BMPR1B: variants seen among roughly 807,000 people sequenced by gnomAD.
BMPR1B encodes the protein bone morphogenetic protein receptor type 1B.
In BMPR1B, 12 loss-of-function variants were observed where a neutral mutation model predicts 59.1. The ratio of observed to expected loss-of-function variants is 0.20; its 90% CI spans 0.13 to 0.33. The LOEUF is 0.33. BMPR1B is among the 10% of genes least tolerant of loss of function. BMPR1B has a pLI of 1.00. For missense variants in BMPR1B, 550 were observed against 610.9 expected (o/e 0.90, Z 1.05); for synonymous variants, 237 against 207.3 (o/e 1.14, Z -1.23).
chr4:94,928,163 T>TG (rs1728960381), intron 2 of BMPR1B, among the ~76,000 whole-genome samples: 1 of 151,010 alleles, frequency 6.6e-6, no homozygotes, highest in African/African-American at 2.4e-5. Context: ...TGTTTTATTG[T>TG]ATTTTTTTTT....
intron 1 of BMPR1B, among the ~76,000 whole-genome samples, chr4:94,829,861 G>A (rs906451904): frequency 2.0e-5 from 3 of 152,186 alleles, no homozygotes; most frequent in Admixed American, 6.5e-5. Flanking sequence ...AAATAGTGCA[G>A]AAGATTTGTA....
At position 95,136,597 on chromosome 4, in the gene BMPR1B, T is replaced by G. The variant is rs145709780; in HGVS notation, c.1076+5085T>G. On this transcript the variant is annotated intron_variant, in intron 10 of 12. Transcript: ENST00000515059. ...TTGCCTCAATTTCAGAGCCTGTTAT[T>G]AGTCTATTCAGGGATTCAGCTTCTT... Among the ~76,000 whole-genome samples, 677 of 152,302 alleles carry G rather than the reference T, an allele frequency of 4.4e-3. 5 individuals are homozygous for G. Among genetic ancestry groups the G allele is most frequent in the African/African-American group, 0.015 (633 of 41,572 alleles).
intron 1 of BMPR1B, among the ~76,000 whole-genome samples, chr4:94,848,926 A>T (rs943084868): frequency 6.6e-6 from 1 of 152,248 alleles, no homozygotes; most frequent in Admixed American, 6.5e-5. Context: ...GTTCCCATTC[A>T]TAAGGCTGAG....
At chr4:95,096,617 A>C (rs576322145) in intron 3 of BMPR1B, among the ~76,000 whole-genome samples, 40 of 150,128 alleles carry the variant, frequency 2.7e-4, no homozygotes, top group African/African-American at 7.8e-4. Flanking sequence ...AAAAATGAGA[A>C]CCAATTTTAG....
At chr4:95,021,750 G>A (rs1009362001) in intron 3 of BMPR1B, among the ~76,000 whole-genome samples, 3 of 152,170 alleles carry the variant, frequency 2.0e-5, no homozygotes, top group African/African-American at 7.2e-5. Flanking sequence ...AAATGTTTCT[G>A]AACCCACTGC....
intron 3 of BMPR1B, among the ~76,000 whole-genome samples, chr4:95,054,769 A>T (rs953193893): frequency 4.2e-4 from 64 of 152,152 alleles, no homozygotes; most frequent in African/African-American, 1.4e-3. Context: ...TAGTAAAGTT[A>T]TAAAGATGGT....
intron 3 of BMPR1B, among the ~76,000 whole-genome samples, chr4:95,027,448 CATT>C (rs1483438628): frequency 6.6e-6 from 1 of 152,268 alleles, no homozygotes; most frequent in East Asian, 1.9e-4. Context: ...ACTCAAGTTG[CATT>C]ATTATTCATC....
At chr4:95,049,413 A>T (rs1726276696) in intron 3 of BMPR1B, among the ~76,000 whole-genome samples, 1 of 124,386 alleles carries the variant, frequency 8.0e-6, no homozygotes, top group South Asian at 2.8e-4. Context: ...TGTGCCCAGC[A>T]TAAAAGTTTT....
chr4:95,067,365 C>T (rs1560628926), intron 3 of BMPR1B, among the ~76,000 whole-genome samples: 1 of 152,104 alleles, frequency 6.6e-6, no homozygotes, highest in Non-Finnish European at 1.5e-5. Flanking sequence ...TGTTATTTAT[C>T]AGTAACACAT....
intron 4 of BMPR1B, among the ~76,000 whole-genome samples, chr4:95,109,024 A>G (rs992706554): frequency 1.3e-5 from 2 of 152,050 alleles, no homozygotes; most frequent in African/African-American, 4.8e-5. Context: ...TTTTCTCTAT[A>G]TAATCAGATC....
At chr4:94,994,385 C>T (rs1043246554) in intron 2 of BMPR1B, among the ~76,000 whole-genome samples, 1 of 152,234 alleles carries the variant, frequency 6.6e-6, no homozygotes, top group African/African-American at 2.4e-5. Flanking sequence ...TCACTACCTT[C>T]TGCCCATTCT....
chr4:95,152,893 G>C, intron 12 of BMPR1B, 120 bp downstream of exon 12: 1 of 1,243,686 alleles, frequency 8.0e-7, no homozygotes, highest in Middle Eastern at 1.9e-4. Flanking sequence ...TGGTGATGGC[G>C]CCTCATTGCA....
intron 11 of BMPR1B, 80 bp downstream of exon 11, chr4:95,149,003 T>A: frequency 1.3e-6 from 2 of 1,535,704 alleles, no homozygotes; most frequent in Admixed American, 3.3e-5. Flanking sequence ...ATCAAAGTTA[T>A]CATACTGTCT....
intron 1 of BMPR1B, among the ~76,000 whole-genome samples, chr4:94,764,742 C>T (rs577379300): frequency 3.3e-5 from 5 of 152,250 alleles, no homozygotes; most frequent in East Asian, 1.9e-4. Flanking sequence ...TGGAACATCT[C>T]GTGACTTGAT....
intron 3 of BMPR1B, among the ~76,000 whole-genome samples, chr4:95,043,358 G>A (rs534467080): frequency 1.3e-5 from 2 of 152,188 alleles, no homozygotes; most frequent in East Asian, 3.9e-4. Flanking sequence ...GCAATCTGGA[G>A]GGTTTGTTGC....
At chr4:94,802,235 T>C (rs948391736) in intron 1 of BMPR1B, among the ~76,000 whole-genome samples, 1 of 152,102 alleles carries the variant, frequency 6.6e-6, no homozygotes, top group Non-Finnish European at 1.5e-5. Context: ...ATCTAAGCAC[T>C]TGTGTTGAGA....
At chr4:95,080,630 A>G (rs181097152) in intron 3 of BMPR1B, among the ~76,000 whole-genome samples, 133 of 152,290 alleles carry the variant, frequency 8.7e-4, no homozygotes, top group Middle Eastern at 6.8e-3. Context: ...CAACATAGTA[A>G]TATTAACATG....
chr4:94,928,350 C>T (rs570137135), intron 2 of BMPR1B, among the ~76,000 whole-genome samples: 2 of 151,852 alleles, frequency 1.3e-5, no homozygotes, highest in African/African-American at 4.8e-5. Flanking sequence ...AGCTGCAAAT[C>T]TTCCGAATGG....
rs1386656103 is a variant in BMPR1B at position 95,145,588 on chromosome 4, A to G, written c.1077-3160A>G. On this transcript the variant is annotated intron_variant, in intron 10 of 12. Transcript: ENST00000515059. ...ATTTATGTCTATTTTTGGCTTTAGGATTAACACAAGCTTGATTTTTCTCTG... is the reference window on the plus strand; with the variant it reads ...ATTTATGTCTATTTTTGGCTTTAGGGTTAACACAAGCTTGATTTTTCTCTG... Among the ~76,000 whole-genome samples, 3 of 152,258 alleles carry G rather than the reference A, an allele frequency of 2.0e-5. No homozygotes were observed. The East Asian group carries it at 5.8e-4, about 29-fold the overall frequency.
Sources: allele counts gnomAD v4.1 joint callset (sites outside exome capture counted in the v4.1 genomes callset), GRCh38; gene constraint gnomAD v4.1.1; transcripts MANE v1.5; gene names NCBI Gene and HGNC (gene_info 2026-07-23, HGNC 2026-07-21).